MICU1: variants seen among roughly 807,000 people sequenced by gnomAD.
MICU1 encodes the protein calcium uptake protein 1, mitochondrial.
A neutral mutation model predicts 56.8 loss-of-function variants in MICU1; 45 were observed. The ratio of observed to expected loss-of-function variants is 0.79; its 90% CI spans 0.62 to 1.02. MICU1 has a LOEUF of 1.02. MICU1 is among the 50% of genes least tolerant of loss of function. The probability of loss-of-function intolerance (pLI) is 0.00; values close to 1 mark genes in which losing one functional copy is unlikely to be tolerated. For missense variants in MICU1, 504 were observed against 587.1 expected (o/e 0.86, Z 1.46); for synonymous variants, 186 against 195.1 (o/e 0.95, Z 0.39).
At chr10:72,609,258 T>C (rs1229273171) in intron 1 of MICU1, among the ~76,000 whole-genome samples, 1 of 152,278 alleles carries the variant, frequency 6.6e-6, no homozygotes, top group Middle Eastern at 3.4e-3. Context: ...AGGGTTTCTG[T>C]TTGAGAAGAT....
chr10:72,408,949 T>C (rs1017675981), intron 9 of MICU1, among the ~76,000 whole-genome samples: 2 of 152,168 alleles, frequency 1.3e-5, no homozygotes, highest in African/African-American at 4.8e-5. Context: ...GATTTTTTTT[T>C]CAAAAACGGT....
rs1866152959 is a variant in MICU1 at position 72,477,233 on chromosome 10, C to G, written c.676G>C (p.Ala226Pro). 6.5e-7 allele frequency: 1 copy of G among 1,547,792 alleles called. No homozygotes were observed. The highest frequency in any genetic ancestry group is 2.0e-5 in the Admixed American group (1 of 50,530). The change falls in exon 7 of 12, where the codon GCC (alanine) becomes CCC (proline). Residue 226 changes from alanine (A) to proline (P), a missense_variant. Physicochemically the swap from Ala to Pro is conservative, Grantham distance 27. Transcript: ENST00000361114. ...CCATTCAAATCAAACATCTTGAAGG[C>G]AATTTCAAAATTTCTCTGAGGAGCT... is the stretch of plus-strand genomic sequence containing the variant. The part of the protein sequence containing the change: ...LSTPQRNFEI[A>P]FKMFDLNGDG...
intron 10 of MICU1, among the ~76,000 whole-genome samples, chr10:72,385,207 A>T (rs1488471882): frequency 6.6e-6 from 1 of 151,950 alleles, no homozygotes; most frequent in Non-Finnish European, 1.5e-5. Context: ...AAAAACAAGC[A>T]GGCCGGGCAC....
At chr10:72,625,249 T>C in intron 1 of MICU1, among the ~76,000 whole-genome samples, 1 of 152,352 alleles carries the variant, frequency 6.6e-6, no homozygotes, top group Non-Finnish European at 1.5e-5. Flanking sequence ...CTATAAGATA[T>C]TTATTCTACT....
intron 5 of MICU1, among the ~76,000 whole-genome samples, chr10:72,514,536 G>T (rs1241274182): frequency 6.6e-6 from 1 of 152,080 alleles, no homozygotes; most frequent in Non-Finnish European, 1.5e-5. Context: ...AACTCTTCTT[G>T]TAAAGACCTG....
At chr10:72,608,794 C>T (rs1841762090) in intron 1 of MICU1, among the ~76,000 whole-genome samples, 2 of 152,090 alleles carry the variant, frequency 1.3e-5, no homozygotes, top group Admixed American at 1.3e-4. Flanking sequence ...TAACAAGTAC[C>T]CAAGTCTCAT....
At chr10:72,599,981 G>T (rs1021824093) in intron 1 of MICU1, among the ~76,000 whole-genome samples, 11 of 152,096 alleles carry the variant, frequency 7.2e-5, no homozygotes, top group African/African-American at 2.7e-4. Flanking sequence ...TCTCCCTCTG[G>T]AATTGTGAGG....
At chr10:72,471,231 C>G (rs529106224) in intron 8 of MICU1, among the ~76,000 whole-genome samples, 1 of 152,146 alleles carries the variant, frequency 6.6e-6, no homozygotes, top group Non-Finnish European at 1.5e-5. Context: ...ACTACAGGCA[C>G]GCGCCACCAT....
At chr10:72,533,838 G>T in intron 4 of MICU1, 49 bp from the exon 5 acceptor site, 2 of 1,303,122 alleles carry the variant, frequency 1.5e-6, no homozygotes, top group South Asian at 1.4e-5. Flanking sequence ...TAACTCAAGT[G>T]AAATTTATAA....
At chr10:72,376,057 G>A (rs965958039) in intron 10 of MICU1, among the ~76,000 whole-genome samples, 185 bp from the exon 11 acceptor site, 27 of 152,090 alleles carry the variant, frequency 1.8e-4, no homozygotes, top group African/African-American at 5.8e-4. Context: ...TTGGGAGGCC[G>A]AGGAGGGTGG....
chr10:72,528,511 G>A (rs1181004559), intron 5 of MICU1, among the ~76,000 whole-genome samples: 1 of 152,168 alleles, frequency 6.6e-6, no homozygotes, highest in Non-Finnish European at 1.5e-5. Flanking sequence ...GAAGCCAAGA[G>A]AGAGAGGGAA....
rs924505605 is a variant in MICU1, at chr10:72,554,711, A to AT, written c.331-3371dup. Among the ~76,000 whole-genome samples the AT allele has an allele frequency of 7.5e-4, 114 of 152,236 alleles. 1 individual carries two copies. The highest frequency in any genetic ancestry group is 2.6e-3 in the African/African-American group (109 of 41,564). Reference sequence around the variant, plus strand: ...TGTATAAAACAACAGTAAAACAATTATTTTTTTCAAATACAGACATTGGCC... The same window carrying AT: ...TGTATAAAACAACAGTAAAACAATTATTTTTTTTCAAATACAGACATTGGCC... On this transcript the variant is annotated intron_variant, in intron 3 of 11. Transcript: ENST00000361114.
chr10:72,606,134 A>G (rs888011484), intron 1 of MICU1, among the ~76,000 whole-genome samples: 8 of 151,478 alleles, frequency 5.3e-5, no homozygotes, highest in African/African-American at 1.7e-4. Flanking sequence ...CCATCTCAAA[A>G]AAAAAAAAAA....
At chr10:72,371,981 G>A (rs1862358634) in intron 11 of MICU1, among the ~76,000 whole-genome samples, 1 of 151,502 alleles carries the variant, frequency 6.6e-6, no homozygotes, top group Non-Finnish European at 1.5e-5. Flanking sequence ...GCTTGAGTCT[G>A]AAAGGCGGGA....
chr10:72,455,993 G>A lies in MICU1; in HGVS notation c.933+19107C>T, dbSNP rs539288640. ...GAGAAACTACTGATCTACAGTGCTG[G>A]AATACTACTAGGAAGCAACTGTCTT... On this transcript the variant is annotated intron_variant, in intron 8 of 11. Transcript: ENST00000361114. Among the ~76,000 whole-genome samples, 4 of 152,236 alleles carry A rather than the reference G, an allele frequency of 2.6e-5. No homozygotes were observed. The South Asian group carries it at 8.3e-4, about 32-fold the overall frequency.
At chr10:72,461,388 T>C (rs982963789) in intron 8 of MICU1, among the ~76,000 whole-genome samples, 2 of 152,192 alleles carry the variant, frequency 1.3e-5, no homozygotes, top group African/African-American at 2.4e-5. Context: ...AGAGTTAGAA[T>C]TGACTCAAAT....
intron 8 of MICU1, 25 bp downstream of exon 8, chr10:72,475,075 T>C (rs771355646): frequency 1.3e-6 from 2 of 1,587,968 alleles, no homozygotes; most frequent in Non-Finnish European, 1.7e-6. Flanking sequence ...ATGTGATGGA[T>C]CTACTGAGTC....
chr10:72,566,835 A>C (rs757527232), intron 1 of MICU1, 41 bp from the exon 2 acceptor site: 1 of 1,529,512 alleles, frequency 6.5e-7, no homozygotes, highest in Non-Finnish European at 8.9e-7. Context: ...AGCTAGTGGT[A>C]GTTATGATGA....
chr10:72,482,880 G>C (rs1564894824), intron 6 of MICU1, among the ~76,000 whole-genome samples: 2 of 150,328 alleles, frequency 1.3e-5, no homozygotes, highest in African/African-American at 4.9e-5. Flanking sequence ...TTTTTTTACA[G>C]AGTCTTGCTC....
Sources: gnomAD v4.1 joint callset for allele counts (sites outside exome capture counted in the v4.1 genomes callset) on GRCh38, gnomAD v4.1.1 for gene constraint, MANE v1.5 for transcripts, NCBI Gene and HGNC (gene_info 2026-07-23, HGNC 2026-07-21) for gene names.